Variants in SETD1B observed in about 807,000 individuals in gnomAD.
SETD1B encodes histone-lysine N-methyltransferase SETD1B.
A neutral mutation model predicts 148.0 loss-of-function variants in SETD1B; 7 were observed. The ratio of observed to expected loss-of-function variants is 0.05; its 90% CI spans 0.03 to 0.09. The LOEUF is 0.09. Ranked by LOEUF, SETD1B falls within the 10% of genes least tolerant of loss-of-function variation. The pLI, the probability that SETD1B is intolerant of heterozygous loss-of-function variation, is 1.00. For missense variants in SETD1B, 2,155 were observed against 2,729.9 expected (o/e 0.79, Z 4.69); for synonymous variants, 1,361 against 1,186.5 (o/e 1.15, Z -3.02).
At position 121,819,575 on chromosome 12, in the gene SETD1B, C is replaced by T. The variant is rs898615329; in HGVS notation, c.3590C>T (p.Ala1197Val). The T allele has an allele frequency of 2.6e-6, 4 of 1,552,318 alleles. No individual in the cohort carries two copies. Among genetic ancestry groups the T allele is most frequent in the African/African-American group, 1.4e-5 (1 of 73,024 alleles). The change falls in exon 11 of 17, where the codon GCC becomes GTC. Residue 1197 changes from alanine (A) to valine (V), a missense_variant. Physicochemically the swap from Ala to Val is moderately conservative, Grantham distance 64. Transcript: ENST00000604567. ...EEEEEEEEMVAEESMASAGPE... is the reference protein window; with the variant it reads ...EEEEEEEEMVVEESMASAGPE... ...GAAGAGGAGGAGGAGGAGATGGTGG[C>T]CGAGGAAAGCATGGCTTCTGCAGGC... is the stretch of plus-strand genomic sequence containing the variant.
At chr12:121,796,613 C>A in the SETD1B span, among the ~76,000 whole-genome samples, 1 of 152,216 alleles carries the variant, frequency 6.6e-6, no homozygotes, top group Non-Finnish European at 1.5e-5. Flanking sequence ...GCTGGCCTGG[C>A]AAATACATCT....
In SETD1B at chr12:121,805,077, G is replaced by GC; in HGVS notation, c.175-41_175-40insC. The GC allele has an allele frequency of 6.5e-7, 1 of 1,535,244 alleles. No homozygotes were observed. Among genetic ancestry groups the GC allele is most frequent in the Non-Finnish European group, 8.8e-7 (1 of 1,132,396 alleles). The stretch of plus-strand genomic sequence containing the variant: ...AAAGGGGTCTGCCCATGGGGAGGGG[G>GC]ACCAGTTCTCTCATCCCGGCCCCCC... On this transcript the variant is annotated intron_variant, in intron 2 of 16. Transcript: ENST00000604567. This position sits in a 1 kb window ranked among gnomAD's most constrained non-coding sequence, Gnocchi z 4.2.
Position 121,823,328 on chromosome 12 carries a change from A to G in SETD1B, c.4749A>G (p.Pro1583=). 3 of 778,872 alleles carry G rather than the reference A, an allele frequency of 3.9e-6. No homozygotes were observed. The highest frequency in any genetic ancestry group is 5.4e-6 in the Non-Finnish European group (3 of 558,202). The allele number at this position is 778,872 out of a possible 1,614,324, so 48.2% of individuals were successfully genotyped here. The change falls in exon 12 of 17, where the codon CCA becomes CCG. Residue 1583 remains proline, a synonymous_variant. Transcript: ENST00000604567. Reference sequence around the variant, plus strand: ...GGAACGCGGGGATCCCAGCCCCTCCACCACCCCTTCCCCCCCAGCCACCCC... The same window carrying G: ...GGAACGCGGGGATCCCAGCCCCTCCGCCACCCCTTCCCCCCCAGCCACCCC... The part of the protein sequence containing the change: ...DFRNAGIPAP[P]PPLPPQPPPP...
In SETD1B at chr12:121,820,355, C is replaced by T. The variant is rs117724148; in HGVS notation, c.3910+460C>T. ...ACTGCATGGCCAGTAGAACTTTCCA[C>T]AGTGATGGCAGCGTTCTCAGGCTGT... On this transcript the variant is annotated intron_variant, in intron 11 of 16. Coordinates refer to ENST00000604567, the MANE Select transcript of SETD1B (RefSeq NM_001353345.2). 7.8e-3 allele frequency among the ~76,000 whole-genome samples: 1,192 copies of T among 152,332 alleles called. 15 individuals carry two copies. The highest frequency in any genetic ancestry group is 0.031 in the Middle Eastern group (9 of 294).
upstream of SETD1B, chr12:121,799,762 G>C (rs1396110426): frequency 2.1e-5 from 3 of 139,642 alleles, no homozygotes; most frequent in South Asian, 7.4e-4. Flanking sequence ...AACCAGCCCG[G>C]CGTGTTTGGG....
chr12:121,822,249 A>ATG, intron 11 of SETD1B, among the ~76,000 whole-genome samples: 1 of 152,288 alleles, frequency 6.6e-6, no homozygotes, highest in East Asian at 1.9e-4. Flanking sequence ...ACGTAGTATG[A>ATG]AAGGCTGGAA....
chr12:121,820,660 A>C (rs1261409750), intron 11 of SETD1B, among the ~76,000 whole-genome samples: 1 of 152,158 alleles, frequency 6.6e-6, no homozygotes, highest in African/African-American at 2.4e-5. Flanking sequence ...CAGCCTCCAG[A>C]GTAGCTGGGA....
chr12:121,819,738 C>T lies in SETD1B; in HGVS notation c.3753C>T (p.Asp1251=), dbSNP rs1218252625. The change falls in exon 11 of 17, where the codon GAC becomes GAT. Residue 1251 remains aspartate, a synonymous_variant. Transcript: ENST00000604567. ...CTGAGGAGCGGCCCTCCATGCTGGA[C>T]GAGCCCCCCTTGCCTGTGGGTGTTG... ...VAPEERPSML[D]EPPLPVGVEE... 1.3e-5 allele frequency: 20 copies of T among 1,551,162 alleles called. No individual in the cohort carries two copies. Among genetic ancestry groups the T allele is most frequent in the Admixed American group, 2.0e-5 (1 of 50,974 alleles).
chr12:121,822,442 C>A (rs570009974), intron 11 of SETD1B, 48 bp from the exon 12 acceptor site: 1 of 1,486,212 alleles, frequency 6.7e-7, no homozygotes, highest in African/African-American at 1.4e-5. Flanking sequence ...CACTGAGAGA[C>A]GTTTGGATTG....
chr12:121,796,816 C>A, the SETD1B span, among the ~76,000 whole-genome samples: 1 of 152,110 alleles, frequency 6.6e-6, no homozygotes, highest in Admixed American at 6.5e-5. Flanking sequence ...CCGAGGTGGG[C>A]GGATCACCTG....
rs938427266 is a variant in SETD1B at position 121,823,369 on chromosome 12, C to T, written c.4790C>T (p.Pro1597Leu). The T allele has an allele frequency of 3.9e-6, 6 of 1,533,236 alleles. No individual in the cohort carries two copies. The Admixed American group carries it at 9.9e-5, about 25-fold the overall frequency. The allele number at this position is 1,533,236 out of a possible 1,614,324, so 95.0% of individuals were successfully genotyped here. ...PPQPPPPPPPPPVEPTKLPFK... is the reference protein window; with the variant it reads ...PPQPPPPPPPLPVEPTKLPFK... The stretch of plus-strand genomic sequence containing the variant: ...CAGCCACCCCCACCCCCACCTCCCC[C>T]ACCTGTAGAGCCCACCAAGCTGCCC... The change falls in exon 12 of 17, where the codon CCA (proline) becomes CTA (leucine). Residue 1597 changes from proline to leucine, a missense_variant. Pro to Leu is a moderately conservative substitution (Grantham distance 98). Transcript: ENST00000604567.
At chr12:121,800,570 CGAAA>C (rs1405394263), upstream of SETD1B, 9 of 151,480 alleles carry the variant, frequency 5.9e-5, no homozygotes, top group African/African-American at 2.2e-4. Context: ...AGGACAAAGA[CGAAA>C]GAGGGAAGCG....
chr12:121,790,825 G>T, the SETD1B span, among the ~76,000 whole-genome samples: 1 of 152,184 alleles, frequency 6.6e-6, no homozygotes, highest in Non-Finnish European at 1.5e-5. Context: ...CCAAAGCACA[G>T]GCTTGAGCTA....
At chr12:121,802,932 C>G (rs1383108245), upstream of SETD1B, 1 of 152,282 alleles carries the variant, frequency 6.6e-6, no homozygotes, top group East Asian at 1.9e-4. Context: ...GTTGGCCTCT[C>G]CTTCGTGTCT....
rs1449338878 is a variant in SETD1B, at chr12:121,828,919, T to C, written c.5727+849T>C. The stretch of plus-strand genomic sequence containing the variant: ...GCTCTCTTCGTTGTGACTTGATCCT[T>C]GCCTGGGTGGTAGGGACTTTCCTGT... On this transcript the variant is annotated intron_variant, in intron 16 of 16. Transcript: ENST00000604567. 2.0e-5 allele frequency among the ~76,000 whole-genome samples: 3 copies of C among 152,360 alleles called. No homozygotes were observed. The East Asian group carries it at 5.8e-4, about 29-fold the overall frequency.
At position 121,817,408 on chromosome 12, in the gene SETD1B, C is replaced by T. The variant is rs901949076; in HGVS notation, c.3016C>T (p.Pro1006Ser). The stretch of plus-strand genomic sequence containing the variant: ...GCGAGACCGGGATATGGCAGACACC[C>T]CCTGTGAGCTCGCCAAGCGGGACCC... The part of the protein sequence containing the change: ...RERDRDMADT[P>S]CELAKRDPKG... Residue 1006 changes from proline (P) to serine (S), a missense_variant, in exon 9 of 17, where the codon CCC becomes TCC. This residue lies in a region of SETD1B where 289 missense variants were observed against 423.7 expected (regional missense o/e 0.68). Coordinates refer to ENST00000604567, the MANE Select transcript of SETD1B (RefSeq NM_001353345.2). This position sits in a 1 kb window ranked among gnomAD's most constrained non-coding sequence, Gnocchi z 8.1. The T allele has an allele frequency of 1.4e-5, 21 of 1,534,310 alleles. No homozygotes were observed. Among genetic ancestry groups the T allele is most frequent in the Non-Finnish European group, 1.7e-5 (19 of 1,135,744 alleles).
chr12:121,825,210 C>T lies in SETD1B; in HGVS notation c.5181C>T (p.Leu1727=), dbSNP rs569905675. The change falls in exon 13 of 17, where the codon CTC becomes CTT. Residue 1727 remains leucine (L), a synonymous_variant. Transcript: ENST00000604567. The part of the protein sequence containing the change: ...TLWVYHPSTS[L]SSAKKKKRDD... Reference sequence around the variant, plus strand: ...TTGACCCACACCCACCCACCAGCCTCTCTTCAGCTAAGAAGAAGAAACGGG... The same window carrying T: ...TTGACCCACACCCACCCACCAGCCTTTCTTCAGCTAAGAAGAAGAAACGGG... 10 of 1,551,582 alleles carry T rather than the reference C, an allele frequency of 6.4e-6. No homozygotes were observed. The South Asian group carries it at 9.5e-5, about 15-fold the overall frequency.
chr12:121,797,403 C>A, the SETD1B span: 2 of 452,406 alleles, frequency 4.4e-6, no homozygotes, highest in Non-Finnish European at 8.9e-6. Context: ...GGGGCGCCCT[C>A]GAGGGACCAG....
intron 4 of SETD1B, among the ~76,000 whole-genome samples, chr12:121,806,580 C>T (rs987870526): frequency 6.6e-6 from 1 of 152,216 alleles, no homozygotes; most frequent in Non-Finnish European, 1.5e-5. Context: ...TCCTTGCTGC[C>T]CCTTCCCCTC....
Sources: allele counts gnomAD v4.1 joint callset (sites outside exome capture counted in the v4.1 genomes callset), GRCh38; gene constraint gnomAD v4.1.1; regional missense constraint gnomAD v4.1.1; non-coding constraint Gnocchi (gnomAD v3.1); transcripts MANE v1.5; gene names NCBI Gene and HGNC (gene_info 2026-07-23, HGNC 2026-07-21).